Variants in GABRR3 observed in about 807,000 individuals in gnomAD.
GABRR3 encodes gamma-aminobutyric acid receptor subunit rho-3.
GABRR3 carries 29 observed loss-of-function variants against 43.2 expected under a neutral mutation model. That is an observed-to-expected ratio of 0.67 (90% confidence interval 0.50 to 0.92). The LOEUF is 0.92. Among genes scored for constraint, GABRR3 ranks in the 40% least tolerant of loss-of-function variants. The pLI is 0.00. For missense variants in GABRR3, 576 were observed against 572.3 expected (o/e 1.01, Z -0.07); for synonymous variants, 206 against 195.9 (o/e 1.05, Z -0.43).
At chr3:97,992,325 G>C (rs1352543634) in intron 9 of GABRR3, among the ~76,000 whole-genome samples, 3 of 152,124 alleles carry the variant, frequency 2.0e-5, no homozygotes, top group Non-Finnish European at 4.4e-5. Flanking sequence ...AGCCTTTGAA[G>C]TTAAGGAGAC....
At chr3:98,033,702 A>G (rs759306782) in intron 2 of GABRR3, among the ~76,000 whole-genome samples, 1 of 152,190 alleles carries the variant, frequency 6.6e-6, no homozygotes, top group Non-Finnish European at 1.5e-5. Flanking sequence ...AAAAAAATAG[A>G]GTCTGGTGGT....
At chr3:98,007,645 T>A in intron 7 of GABRR3, 119 bp downstream of exon 7, 1 of 1,044,584 alleles carries the variant, frequency 9.6e-7, no homozygotes, top group Non-Finnish European at 1.4e-6. Context: ...AGGAGAGGAA[T>A]GATGGTGCTG....
intron 2 of GABRR3, among the ~76,000 whole-genome samples, chr3:98,031,379 A>G (rs529439902): frequency 3.3e-5 from 5 of 152,294 alleles, no homozygotes; most frequent in African/African-American, 1.2e-4. Flanking sequence ...AAATTCAGAG[A>G]AAAGCTTGGA....
At chr3:97,991,963 G>A (rs1435495540) in intron 9 of GABRR3, among the ~76,000 whole-genome samples, 1 of 152,128 alleles carries the variant, frequency 6.6e-6, no homozygotes, top group African/African-American at 2.4e-5. Flanking sequence ...ACATATGTAT[G>A]TGTGCGTATG....
chr3:98,031,677 A>G (rs774174490), intron 2 of GABRR3, among the ~76,000 whole-genome samples: 58 of 152,026 alleles, frequency 3.8e-4, no homozygotes, highest in Non-Finnish European at 6.6e-4. Flanking sequence ...CAGGTGTTTG[A>G]GGTTATAGTG....
intron 9 of GABRR3, among the ~76,000 whole-genome samples, chr3:97,987,758 C>T (rs1354661521): frequency 1.3e-5 from 2 of 151,970 alleles, no homozygotes; most frequent in Non-Finnish European, 2.9e-5. Flanking sequence ...ATTTTTTTAA[C>T]TTTTAAATTA....
intron 3 of GABRR3, among the ~76,000 whole-genome samples, chr3:98,017,933 A>G (rs2107243335): frequency 6.6e-6 from 1 of 152,150 alleles, no homozygotes; most frequent in African/African-American, 2.4e-5. Flanking sequence ...TATTCTAATA[A>G]TCATTACTCA....
rs1706431471 is a variant in GABRR3 at position 97,989,273 on chromosome 3, A to T, written c.1105-2291T>A. ...TTGATGATGGTGTTGGGTGGTGGGG[A>T]TGGTGGTGGTGGATGTGGGGATGGT... On this transcript the variant is annotated intron_variant, in intron 9 of 9. Transcript: ENST00000621172. Among the ~76,000 whole-genome samples, 3 of 121,030 alleles carry T rather than the reference A, an allele frequency of 2.5e-5. 1 individual carries two copies. The highest frequency in any genetic ancestry group is 9.7e-5 in the African/African-American group (3 of 30,942). The allele number at this position is 121,030 out of a possible 152,430, so 79.4% of individuals were successfully genotyped here. A position where few individuals can be genotyped will look rare whatever the true frequency, so the allele number is the denominator to read the frequency against.
intron 5 of GABRR3, among the ~76,000 whole-genome samples, chr3:98,011,749 C>T (rs1270254673): frequency 6.6e-6 from 1 of 152,014 alleles, no homozygotes; most frequent in Admixed American, 6.6e-5. Context: ...AGCTGAGTTG[C>T]TTGGGTTTAC....
intron 2 of GABRR3, among the ~76,000 whole-genome samples, chr3:98,029,070 CTTTT>C (rs953334761): frequency 1.3e-4 from 20 of 152,112 alleles, no homozygotes; most frequent in Non-Finnish European, 2.9e-4. Context: ...TGAGAAGAAG[CTTTT>C]GGATTTCTTC....
At chr3:98,006,866 T>G (rs1250220984) in intron 7 of GABRR3, among the ~76,000 whole-genome samples, 2 of 152,142 alleles carry the variant, frequency 1.3e-5, no homozygotes, top group African/African-American at 4.8e-5. Context: ...TGGATAAAAG[T>G]TGTCAATTCA....
intron 2 of GABRR3, among the ~76,000 whole-genome samples, chr3:98,026,907 C>T (rs1193597613): frequency 1.3e-5 from 2 of 152,030 alleles, no homozygotes; most frequent in African/African-American, 4.8e-5. Flanking sequence ...TGTGGTCTTT[C>T]AATAGGGAAG....
intron 9 of GABRR3, among the ~76,000 whole-genome samples, 198 bp downstream of exon 9, chr3:97,992,654 T>C (rs932811648): frequency 6.6e-6 from 1 of 151,980 alleles, no homozygotes; most frequent in African/African-American, 2.4e-5. Context: ...CTGATGAAGG[T>C]GAGTGAGGAT....
chr3:98,029,412 A>G (rs961826031), intron 2 of GABRR3, among the ~76,000 whole-genome samples: 2 of 152,126 alleles, frequency 1.3e-5, no homozygotes, highest in African/African-American at 4.8e-5. Flanking sequence ...TCTCAGGGGG[A>G]CTAAGAGGGT....
intron 8 of GABRR3, chr3:98,001,362 C>T (rs1038802924): frequency 8.8e-6 from 4 of 452,036 alleles, no homozygotes; most frequent in Non-Finnish European, 1.6e-5. Context: ...AATTTCACCC[C>T]CTTTCTTTAC....
chr3:98,026,882 C>T (rs891482031), intron 2 of GABRR3, among the ~76,000 whole-genome samples: 1 of 152,042 alleles, frequency 6.6e-6, no homozygotes, highest in Admixed American at 6.6e-5. Flanking sequence ...CTTATGGGCA[C>T]CTGAGATCAC....
At chr3:98,001,675 T>A (rs1706644671) in exon 8 of GABRR3, 1 of 1,613,246 alleles carries the variant, frequency 6.2e-7, no homozygotes, top group Non-Finnish European at 8.5e-7. Context: ...CATGAAAGCA[T>A]CACCATCAAT....
intron 8 of GABRR3, chr3:97,999,800 A>C (rs946373827): frequency 1.3e-5 from 2 of 152,110 alleles, no homozygotes; most frequent in African/African-American, 4.8e-5. Context: ...GAATAATTTC[A>C]TTTTGCAGAT....
chr3:98,024,563 A>T (rs1706988734), intron 3 of GABRR3, among the ~76,000 whole-genome samples: 1 of 152,134 alleles, frequency 6.6e-6, no homozygotes, highest in Non-Finnish European at 1.5e-5. Context: ...TAACCACATC[A>T]TGAGAAGAGT....
Sources: gnomAD v4.1 joint callset for allele counts (sites outside exome capture counted in the v4.1 genomes callset) on GRCh38, gnomAD v4.1.1 for gene constraint, MANE v1.5 for transcripts, NCBI Gene and HGNC (gene_info 2026-07-23, HGNC 2026-07-21) for gene names.